SMAD3: variants seen among roughly 807,000 people sequenced by gnomAD.
SMAD3 encodes SMAD family member 3.
SMAD3 carries 12 observed loss-of-function variants against 51.8 expected under a neutral mutation model. The ratio of observed to expected loss-of-function variants is 0.23; its 90% CI spans 0.15 to 0.38. SMAD3 has a LOEUF of 0.38. SMAD3 is among the 10% of genes least tolerant of loss of function. SMAD3 has a pLI of 1.00. For synonymous variants in SMAD3, 238 were observed against 227.7 expected (o/e 1.05, Z -0.41); for missense variants, 294 against 565.6 (o/e 0.52, Z 4.87).
At chr15:67,188,906 G>T (rs998225631) in intron 8 of SMAD3, among the ~76,000 whole-genome samples, 2 of 152,160 alleles carry the variant, frequency 1.3e-5, no homozygotes, top group African/African-American at 4.8e-5. Context: ...CTGTTCTTCT[G>T]TGTCTGCCCC....
chr15:67,099,074 C>G (rs1009182309), intron 1 of SMAD3: 1 of 697,782 alleles, frequency 1.4e-6, no homozygotes, highest in African/African-American at 1.7e-5. Context: ...CCTGTTGATT[C>G]ATGTGTCAGC....
intron 1 of SMAD3, among the ~76,000 whole-genome samples, chr15:67,113,939 G>A (rs1475185242): frequency 2.0e-5 from 3 of 152,232 alleles, no homozygotes; most frequent in Non-Finnish European, 4.4e-5. Context: ...AATTGGGAAT[G>A]TTTATTACAT....
chr15:67,068,772 T>G (rs1216198357), intron 1 of SMAD3, among the ~76,000 whole-genome samples: 1 of 152,026 alleles, frequency 6.6e-6, no homozygotes, highest in Non-Finnish European at 1.5e-5. Context: ...GCTGCTGCTG[T>G]TTTGGTCGTG....
At chr15:67,075,156 G>A (rs552464055) in intron 1 of SMAD3, among the ~76,000 whole-genome samples, 1 of 152,184 alleles carries the variant, frequency 6.6e-6, no homozygotes, top group Non-Finnish European at 1.5e-5. Context: ...TCTGGGCTAA[G>A]CCCAAATGTG....
chr15:67,142,697 G>A (rs896220182), intron 1 of SMAD3: 1 of 312,656 alleles, frequency 3.2e-6, no homozygotes, highest in African/African-American at 2.2e-5. Context: ...AACGGCAGAG[G>A]CTGCTGGCAT....
intron 1 of SMAD3, among the ~76,000 whole-genome samples, chr15:67,095,410 G>A (rs991253324): frequency 1.3e-5 from 2 of 152,180 alleles, no homozygotes; most frequent in Admixed American, 6.5e-5. Context: ...CTGTGGAAGT[G>A]TGTCTTGAGC....
chr15:67,178,697 T>G (rs893474), intron 5 of SMAD3, among the ~76,000 whole-genome samples: 151,818 of 151,844 alleles, frequency 1, 75,896 homozygotes, highest in Non-Finnish European at 1. Flanking sequence ...AGTTTCCAAA[T>G]CAACATAGCT....
At chr15:67,170,406 T>TG in intron 4 of SMAD3, 148 bp from the exon 5 acceptor site, 1 of 703,500 alleles carries the variant, frequency 1.4e-6, no homozygotes, top group Non-Finnish European at 2.6e-6. Flanking sequence ...GGCAAGGGTA[T>TG]GGGCTAGGCC....
At chr15:67,125,313 C>T (rs558434269) in intron 1 of SMAD3, among the ~76,000 whole-genome samples, 32 of 152,356 alleles carry the variant, frequency 2.1e-4, no homozygotes, top group African/African-American at 6.0e-4. Flanking sequence ...AGTGTGTGTA[C>T]GGAGAGCCTC....
intron 1 of SMAD3, among the ~76,000 whole-genome samples, chr15:67,094,871 T>C (rs1256467897): frequency 4.6e-5 from 7 of 152,210 alleles, no homozygotes; most frequent in Admixed American, 4.6e-4. Context: ...ACCCAGTCTC[T>C]GGGCGGATGG....
At chr15:67,179,566 G>A (rs12909923) in intron 5 of SMAD3, among the ~76,000 whole-genome samples, 8,229 of 152,100 alleles carry the variant, frequency 0.054, 318 homozygotes, top group South Asian at 0.18. Flanking sequence ...CTGCCCCTTC[G>A]CCATTCGTGA....
intron 1 of SMAD3, among the ~76,000 whole-genome samples, chr15:67,098,371 CAAG>C (rs1419889688): frequency 7.1e-6 from 1 of 141,012 alleles, no homozygotes; most frequent in Non-Finnish European, 1.6e-5. Context: ...AGCAAGCAAG[CAAG>C]CAAGCCAGCA....
At chr15:67,122,912 A>G (rs2140244836) in intron 1 of SMAD3, among the ~76,000 whole-genome samples, 1 of 152,302 alleles carries the variant, frequency 6.6e-6, no homozygotes, top group Non-Finnish European at 1.5e-5. Context: ...GCGTCCGGGC[A>G]TGGTGGCTCA....
intron 5 of SMAD3, among the ~76,000 whole-genome samples, chr15:67,179,853 G>T (rs1963005621): frequency 6.6e-6 from 1 of 152,084 alleles, no homozygotes. Context: ...CCCTGAGGAG[G>T]AACCCTCAGC....
intron 1 of SMAD3, chr15:67,125,873 C>T (rs1439703725): frequency 8.1e-6 from 8 of 985,420 alleles, no homozygotes; most frequent in African/African-American, 1.7e-5. Context: ...TGCCGCCGCT[C>T]GCTTCACCAG....
intron 3 of SMAD3, chr15:67,166,159 T>C: frequency 2.0e-6 from 2 of 1,014,526 alleles, no homozygotes; most frequent in Non-Finnish European, 2.4e-6. Flanking sequence ...TCCAACCTTC[T>C]CAGATCCTTT....
chr15:67,114,900 A>G (rs1961101928), intron 1 of SMAD3, among the ~76,000 whole-genome samples: 2 of 152,196 alleles, frequency 1.3e-5, no homozygotes, highest in African/African-American at 4.8e-5. Flanking sequence ...CTAGGCCAGG[A>G]GCAGCCTTGT....
At chr15:67,111,026 C>T in intron 1 of SMAD3, among the ~76,000 whole-genome samples, 1 of 152,208 alleles carries the variant, frequency 6.6e-6, no homozygotes, top group East Asian at 1.9e-4. Context: ...TAAATCTGCT[C>T]TTTTAAGGGA....
Position 67,136,521 on chromosome 15 carries a change from G to C in SMAD3, c.207-28374G>C, listed in dbSNP as rs569007692. ...ATTTTTGTATTTTTTAGTAGAGACA[G>C]GGTTTCGCCATGTTGGCCAGGCTGG... On this transcript the variant is annotated intron_variant, in intron 1 of 8. Transcript: ENST00000327367. Among the ~76,000 whole-genome samples the C allele has an allele frequency of 2.6e-5, 4 of 152,198 alleles. No individual in the cohort carries two copies. In the South Asian group the frequency reaches 8.3e-4, roughly 32 times the overall value.
Sources: allele counts gnomAD v4.1 joint callset (sites outside exome capture counted in the v4.1 genomes callset), GRCh38; gene constraint gnomAD v4.1.1; transcripts MANE v1.5; gene names NCBI Gene and HGNC (gene_info 2026-07-23, HGNC 2026-07-21).